The following PRELID2 variants were observed in gnomAD, a reference collection of about 807,000 sequenced individuals.
PRELID2 encodes PRELI domain containing 2.
A neutral mutation model predicts 28.4 loss-of-function variants in PRELID2; 25 were observed. That is an observed-to-expected ratio of 0.88 (90% CI 0.64 to 1.23). The LOEUF is 1.23. Ranked by LOEUF, PRELID2 falls within the 50% of genes most tolerant of loss-of-function variation. The pLI, the probability that PRELID2 is intolerant of heterozygous loss-of-function variation, is 0.00. For missense variants in PRELID2, 201 were observed against 214.4 expected (o/e 0.94, Z 0.39); for synonymous variants, 76 against 71.6 (o/e 1.06, Z -0.31).
At chr5:145,741,515 A>G (rs1756746673) in intron 1 of PRELID2, among the ~76,000 whole-genome samples, 3 of 123,314 alleles carry the variant, frequency 2.4e-5, no homozygotes, top group Admixed American at 8.7e-5. Context: ...TTATTTATAA[A>G]TAATTTATTT....
intron 1 of PRELID2, among the ~76,000 whole-genome samples, chr5:145,716,667 G>A (rs966019463): frequency 6.6e-5 from 10 of 151,928 alleles, no homozygotes; most frequent in Non-Finnish European, 1.0e-4. Context: ...AAGTATATAC[G>A]CTATTTTACT....
chr5:145,393,458 C>G, the PRELID2 span, among the ~76,000 whole-genome samples: 3 of 152,124 alleles, frequency 2.0e-5, no homozygotes, highest in Admixed American at 6.5e-5. Flanking sequence ...ATTCAAGCAT[C>G]GGGCAGCCTC....
At chr5:145,237,572 G>A in the PRELID2 span, among the ~76,000 whole-genome samples, 45 of 152,130 alleles carry the variant, frequency 3.0e-4, no homozygotes, top group African/African-American at 8.4e-4. Flanking sequence ...CAGATGACAC[G>A]TTTGCTGGTC....
At chr5:145,481,256 G>T (rs1752156629) in intron 1 of PRELID2, among the ~76,000 whole-genome samples, 1 of 151,818 alleles carries the variant, frequency 6.6e-6, no homozygotes, top group Non-Finnish European at 1.5e-5. Flanking sequence ...GGTTTATTTG[G>T]TTTGTTTTCA....
At chr5:145,741,978 AATTATAATAAATTT>A (rs1651119573) in intron 1 of PRELID2, among the ~76,000 whole-genome samples, 1 of 32,378 alleles carries the variant, frequency 3.1e-5, no homozygotes, top group South Asian at 8.0e-4. Context: ...AAATTTATTT[AATTATAATAAATTT>A]ATTATAAATA....
intron 1 of PRELID2, among the ~76,000 whole-genome samples, chr5:145,678,101 A>C (rs1022922956): frequency 9.2e-5 from 14 of 152,234 alleles, no homozygotes; most frequent in Non-Finnish European, 1.6e-4. Flanking sequence ...GGACTAATGA[A>C]ACTATCCATA....
intron 1 of PRELID2, among the ~76,000 whole-genome samples, chr5:145,824,301 G>A (rs1755022844): frequency 6.6e-6 from 1 of 152,148 alleles, no homozygotes; most frequent in South Asian, 2.1e-4. Context: ...GAAGGCAAAA[G>A]CAGCAGGCAG....
intron 1 of PRELID2, among the ~76,000 whole-genome samples, chr5:145,680,517 G>A (rs74953894): frequency 0.029 from 4,425 of 152,290 alleles, 242 homozygotes; most frequent in African/African-American, 0.1. Context: ...AAACTGAGAA[G>A]ATGGGTATTT....
chr5:145,365,808 G>T, the PRELID2 span, among the ~76,000 whole-genome samples: 2 of 151,822 alleles, frequency 1.3e-5, no homozygotes, highest in East Asian at 1.9e-4. Context: ...TCTTTCTAGG[G>T]TTAATTTTCT....
the PRELID2 span, among the ~76,000 whole-genome samples, chr5:145,273,166 G>T: frequency 2.0e-5 from 3 of 152,098 alleles, no homozygotes; most frequent in African/African-American, 7.2e-5. Context: ...AAGTCACTCT[G>T]GTAGGGAATG....
intron 1 of PRELID2, among the ~76,000 whole-genome samples, chr5:145,697,074 T>TACAC (rs1363342782): frequency 3.2e-4 from 36 of 113,870 alleles, no homozygotes; most frequent in Non-Finnish European, 4.3e-4. Context: ...TATATATATA[T>TACAC]ATATATACAC....
chr5:145,375,878 C>T, the PRELID2 span, among the ~76,000 whole-genome samples: 1 of 152,190 alleles, frequency 6.6e-6, no homozygotes, highest in East Asian at 1.9e-4. Flanking sequence ...CTGCCCTTCC[C>T]CAACCCAGAG....
At chr5:145,804,565 T>G (rs1013758377) in intron 4 of PRELID2, among the ~76,000 whole-genome samples, 2 of 152,180 alleles carry the variant, frequency 1.3e-5, no homozygotes, top group African/African-American at 2.4e-5. Flanking sequence ...TCATAGCCTA[T>G]TGTGGTAAAG....
At chr5:145,383,696 A>T in the PRELID2 span, among the ~76,000 whole-genome samples, 2 of 151,490 alleles carry the variant, frequency 1.3e-5, no homozygotes, top group Non-Finnish European at 2.9e-5. Context: ...TAGACCTACA[A>T]GTTAAAGTTA....
At chr5:145,575,494 A>C (rs1753052578) in intron 1 of PRELID2, among the ~76,000 whole-genome samples, 1 of 152,156 alleles carries the variant, frequency 6.6e-6, no homozygotes, top group Admixed American at 6.6e-5. Flanking sequence ...AAATAAACAC[A>C]AGATAGATAG....
At chr5:145,664,118 A>G (rs754182880) in intron 1 of PRELID2, among the ~76,000 whole-genome samples, 1 of 152,168 alleles carries the variant, frequency 6.6e-6, no homozygotes, top group African/African-American at 2.4e-5. Flanking sequence ...AAGAATGTAA[A>G]TAAGTCATAT....
the PRELID2 span, among the ~76,000 whole-genome samples, chr5:145,273,747 A>T: frequency 2.0e-5 from 3 of 152,166 alleles, no homozygotes; most frequent in Non-Finnish European, 2.9e-5. Context: ...TGAAGAAAAA[A>T]ATCACTCTTT....
intron 1 of PRELID2, among the ~76,000 whole-genome samples, chr5:145,556,238 T>C (rs1170157006): frequency 6.6e-6 from 1 of 150,876 alleles, no homozygotes; most frequent in African/African-American, 2.4e-5. Context: ...GGTTGATTGG[T>C]TTTCTGCTGT....
the PRELID2 span, among the ~76,000 whole-genome samples, chr5:145,293,322 T>C: frequency 6.6e-6 from 1 of 152,170 alleles, no homozygotes; most frequent in East Asian, 1.9e-4. Flanking sequence ...CTCATAACAA[T>C]AATTTTAATA....
Sources: allele counts gnomAD v4.1 joint callset (sites outside exome capture counted in the v4.1 genomes callset), GRCh38; gene constraint gnomAD v4.1.1; transcripts MANE v1.5; gene names NCBI Gene and HGNC (gene_info 2026-07-23, HGNC 2026-07-21).